Variants in EIF3C observed in about 807,000 individuals in gnomAD.
The protein encoded by EIF3C is eukaryotic translation initiation factor 3 subunit C.
EIF3C carries 2 observed loss-of-function variants against 11.1 expected under a neutral mutation model. The observed-to-expected ratio is 0.18, with a 90% CI of 0.07 to 0.57. The LOEUF is 0.57. EIF3C is among the 20% of genes least tolerant of loss of function. The pLI, the probability that EIF3C is intolerant of heterozygous loss-of-function variation, is 0.92. For synonymous variants in EIF3C, 2 were observed against 41.5 expected (o/e 0.05, Z 3.66); for missense variants, 16 against 114.6 (o/e 0.14, Z 3.93).
In EIF3C at chr16:28,696,364, TAA is replaced by T. The variant is rs536758803; in HGVS notation, c.-31+7555_-31+7556del. Among the ~76,000 whole-genome samples the T allele has an allele frequency of 1.7e-3, 35 of 20,652 alleles. 8 individuals are homozygous for T. The East Asian group carries it at 0.018, about 11-fold the overall frequency. 13.5% of individuals were successfully genotyped at this position (20,652 alleles called of 152,430 possible). A position where few individuals can be genotyped will look rare whatever the true frequency, so the allele number is the denominator to read the frequency against. ...CTAGGCAAAAGAGCGAAACTGTGTC[TAA>T]AAAAAAAAAAAAAAAAAAGACTTGA... On this transcript the variant is annotated intron_variant, in intron 1 of 20. Coordinates refer to the EIF3C transcript ENST00000566501.
intron 1 of EIF3C, among the ~76,000 whole-genome samples, chr16:28,697,863 C>T (rs1440544794): frequency 7.1e-5 from 6 of 84,744 alleles, no homozygotes; most frequent in Non-Finnish European, 1.1e-4. Context: ...GCTGGCCGGG[C>T]GGGGGGCTGA....
intron 1 of EIF3C, among the ~76,000 whole-genome samples, chr16:28,698,502 C>G (rs1386584328): frequency 1.2e-5 from 1 of 84,876 alleles, no homozygotes; most frequent in Non-Finnish European, 2.1e-5. Flanking sequence ...ACCTCCCTCC[C>G]GGATGGGGCG....
At chr16:28,729,456 CT>C (rs1227752807) in intron 15 of EIF3C, among the ~76,000 whole-genome samples, 1 of 7,296 alleles carries the variant, frequency 1.4e-4, no homozygotes. Context: ...AAATTTCTCT[CT>C]TTTTTTTTTT....
At position 28,700,400 on chromosome 16, in the gene EIF3C, G is replaced by A. The variant is rs769888586; in HGVS notation, c.-30-11257G>A. The stretch of plus-strand genomic sequence containing the variant: ...TCGCTGACCTCAGAGTTGGGGACCC[G>A]GAGGCCGGCGTCGATACACTGCTGC... On this transcript the variant is annotated intron_variant, in intron 1 of 20. Transcript: ENST00000566501. 2.1e-5 allele frequency: 8 copies of A among 384,318 alleles called. 2 individuals are homozygous for A. In the South Asian group the frequency reaches 2.3e-4, roughly 11 times the overall value. The allele number at this position is 384,318 out of a possible 1,614,324, so 23.8% of individuals were successfully genotyped here. A position where few individuals can be genotyped will look rare whatever the true frequency, so the allele number is the denominator to read the frequency against.
intron 15 of EIF3C, among the ~76,000 whole-genome samples, chr16:28,728,516 T>G (rs1242770732): frequency 2.5e-5 from 2 of 78,898 alleles, no homozygotes; most frequent in Non-Finnish European, 6.5e-5. Flanking sequence ...TGTGTATCTT[T>G]TAGGGGTGTG....
At chr16:28,703,414 C>CA (rs1288313397) in intron 1 of EIF3C, among the ~76,000 whole-genome samples, 2 of 24,032 alleles carry the variant, frequency 8.3e-5, no homozygotes, top group Non-Finnish European at 1.5e-4. Flanking sequence ...TGTGCCAGTG[C>CA]ACTCCAGCCT....
chr16:28,698,565 TGCCGGGCGGA>T (rs2048259894), intron 1 of EIF3C, among the ~76,000 whole-genome samples: 1 of 92,440 alleles, frequency 1.1e-5, no homozygotes, highest in Admixed American at 9.0e-5. Flanking sequence ...ACGGGGTGGC[TGCCGGGCGGA>T]GACGCTCCTC....
chr16:28,718,614 GTT>G (rs576228155), intron 8 of EIF3C, among the ~76,000 whole-genome samples: 11,060 of 43,932 alleles, frequency 0.25, 96 homozygotes, highest in South Asian at 0.37. Context: ...CTTGTTTAAA[GTT>G]TTTTTTTTTT....
At chr16:28,698,589 T>C (rs1320174229) in intron 1 of EIF3C, among the ~76,000 whole-genome samples, 3 of 96,656 alleles carry the variant, frequency 3.1e-5, no homozygotes, top group Non-Finnish European at 3.7e-5. Flanking sequence ...GCTCCTCACT[T>C]CCCAGATGGG....
intron 15 of EIF3C, among the ~76,000 whole-genome samples, chr16:28,729,971 T>C (rs2048426171): frequency 6.6e-6 from 1 of 150,476 alleles, no homozygotes; most frequent in African/African-American, 2.4e-5. Flanking sequence ...AGAAAAGAAA[T>C]ACCCGGTTAC....
In EIF3C at chr16:28,700,622, C is replaced by T. The variant is rs1209260166; in HGVS notation, c.-30-11035C>T. The T allele has an allele frequency of 1.2e-5, 3 of 247,232 alleles. 1 individual carries two copies. The highest frequency in any genetic ancestry group is 1.2e-4 in the South Asian group (2 of 16,584). The allele number at this position is 247,232 out of a possible 1,614,324, so 15.3% of individuals were successfully genotyped here. ...CTAGACGCGCAGCTTGGCGCAGCCC[C>T]GCACAGGCTCCGTGGAGGCTTCCAG... On this transcript the variant is annotated intron_variant, in intron 1 of 20. Transcript: ENST00000566501.
chr16:28,729,749 C>G (rs1489457779), intron 15 of EIF3C, among the ~76,000 whole-genome samples: 1 of 140,136 alleles, frequency 7.1e-6, no homozygotes, highest in African/African-American at 2.7e-5. Flanking sequence ...TTATGCAAGT[C>G]CCATACTATC....
chr16:28,698,087 C>A (rs2048251644), intron 1 of EIF3C, among the ~76,000 whole-genome samples: 1 of 83,822 alleles, frequency 1.2e-5, no homozygotes, highest in Non-Finnish European at 2.3e-5. Context: ...GCAGAGGCGC[C>A]CCTCACCTCC....
chr16:28,729,906 C>T (rs1478137909), intron 15 of EIF3C, among the ~76,000 whole-genome samples: 1 of 150,446 alleles, frequency 6.6e-6, no homozygotes, highest in Non-Finnish European at 1.5e-5. Context: ...GCTGCAGGAG[C>T]CACGATCACG....
At chr16:28,733,533 GCTGTGGAGT>G (rs761453452) in intron 16 of EIF3C, among the ~76,000 whole-genome samples, 6 of 5,780 alleles carry the variant, frequency 1.0e-3, no homozygotes, top group East Asian at 4.4e-3. Context: ...TGCCGTTCTT[GCTGTGGAGT>G]CTGCGTGTTT....
chr16:28,712,610 TTGTGC>T, intron 2 of EIF3C, among the ~76,000 whole-genome samples: 1 of 126,364 alleles, frequency 7.9e-6, no homozygotes, highest in South Asian at 3.0e-4. Context: ...TCTGCCACGT[TTGTGC>T]TACTGTTTTA....
chr16:28,698,581 T>C lies in EIF3C; in HGVS notation c.-31+9753T>C, dbSNP rs1482440165. Among the ~76,000 whole-genome samples, 2 of 95,516 alleles carry C rather than the reference T, an allele frequency of 2.1e-5. 1 individual carries two copies. The highest frequency in any genetic ancestry group is 3.7e-5 in the Non-Finnish European group (2 of 53,944). The allele number at this position is 95,516 out of a possible 152,430, so 62.7% of individuals were successfully genotyped here. A position where few individuals can be genotyped will look rare whatever the true frequency, so the allele number is the denominator to read the frequency against. On this transcript the variant is annotated intron_variant, in intron 1 of 20. Coordinates refer to the EIF3C transcript ENST00000566501. Reference sequence around the variant, plus strand: ...CGGGGTGGCTGCCGGGCGGAGACGCTCCTCACTTCCCAGATGGGGTGGCTG... The same window carrying C: ...CGGGGTGGCTGCCGGGCGGAGACGCCCCTCACTTCCCAGATGGGGTGGCTG...
chr16:28,696,037 C>G (rs1242086602), intron 1 of EIF3C, among the ~76,000 whole-genome samples: 4 of 52,312 alleles, frequency 7.6e-5, no homozygotes, highest in African/African-American at 1.5e-4. Context: ...ATTATCACAT[C>G]CCTGGAGAGT....
intron 8 of EIF3C, 126 bp from the exon 9 acceptor site, chr16:28,723,038 G>A: frequency 9.8e-7 from 1 of 1,016,356 alleles, no homozygotes; most frequent in East Asian, 2.5e-5. Context: ...GTGCCCTCTA[G>A]GTCATTGTTG....
Sources: gnomAD v4.1 joint callset for allele counts (sites outside exome capture counted in the v4.1 genomes callset) on GRCh38, gnomAD v4.1.1 for gene constraint, MANE v1.5 for transcripts, NCBI Gene and HGNC (gene_info 2026-07-23, HGNC 2026-07-21) for gene names.